Variants in RHOBTB1 observed in about 807,000 individuals in gnomAD.
RHOBTB1 encodes rho-related BTB domain-containing protein 1.
RHOBTB1 carries 40 observed loss-of-function variants against 71.6 expected under a neutral mutation model. That is an observed-to-expected ratio of 0.56 (90% CI 0.43 to 0.73). The LOEUF (loss-of-function observed/expected upper bound fraction) is 0.73. Ranked by LOEUF, RHOBTB1 falls within the 30% of genes least tolerant of loss-of-function variation. The probability of loss-of-function intolerance (pLI) is 0.00; values close to 1 mark genes in which losing one functional copy is unlikely to be tolerated. For synonymous variants in RHOBTB1, 319 were observed against 334.9 expected, an observed-to-expected ratio of 0.95 and a Z score of 0.52; for missense variants, 797 against 894.0, an observed-to-expected ratio of 0.89 and a Z score of 1.38.
At chr10:60,999,604 T>A (rs181332853) in intron 1 of RHOBTB1, among the ~76,000 whole-genome samples, 38 of 152,314 alleles carry the variant, frequency 2.5e-4, no homozygotes, top group African/African-American at 7.5e-4. Flanking sequence ...ATTGGAGGAA[T>A]CAATAATTAA....
At chr10:60,965,992 A>G (rs2085943962) in intron 2 of RHOBTB1, among the ~76,000 whole-genome samples, 1 of 152,176 alleles carries the variant, frequency 6.6e-6, no homozygotes, top group South Asian at 2.1e-4. Flanking sequence ...CAGACAATAA[A>G]TATATAATTT....
At chr10:60,997,064 TACACACAC>T (rs3049452) in intron 1 of RHOBTB1, among the ~76,000 whole-genome samples, 1,893 of 144,936 alleles carry the variant, frequency 0.013, 14 homozygotes, top group African/African-American at 0.027. Context: ...CATGGTTATG[TACACACAC>T]ACACACACAC....
chr10:60,939,869 C>T (rs1289095394), intron 2 of RHOBTB1, among the ~76,000 whole-genome samples: 1 of 152,146 alleles, frequency 6.6e-6, no homozygotes, highest in Non-Finnish European at 1.5e-5. Flanking sequence ...CAAATGATTG[C>T]TAAATGATTA....
chr10:60,931,611 A>G (rs1203983369), intron 2 of RHOBTB1, among the ~76,000 whole-genome samples: 3 of 152,196 alleles, frequency 2.0e-5, no homozygotes, highest in Non-Finnish European at 4.4e-5. Flanking sequence ...TATATTAAGT[A>G]TAACCCTTGA....
intron 4 of RHOBTB1, among the ~76,000 whole-genome samples, chr10:60,901,528 T>C (rs750522637): frequency 2.6e-5 from 4 of 152,194 alleles, no homozygotes; most frequent in Non-Finnish European, 5.9e-5. Flanking sequence ...TGATATGGAA[T>C]AGCTGAAAGA....
At chr10:60,918,595 TTAAGA>T (rs1275749156) in intron 2 of RHOBTB1, among the ~76,000 whole-genome samples, 1 of 152,088 alleles carries the variant, frequency 6.6e-6, no homozygotes, top group African/African-American at 2.4e-5. Flanking sequence ...AATTCAGAAA[TTAAGA>T]TGAGTGGGTA....
chr10:60,932,681 T>C (rs987054695), intron 2 of RHOBTB1, among the ~76,000 whole-genome samples: 2 of 152,108 alleles, frequency 1.3e-5, no homozygotes, highest in South Asian at 2.1e-4. Context: ...AAGATGTTCA[T>C]GATACATCTT....
chr10:60,868,794 C>A (rs550595948), downstream of RHOBTB1, among the ~76,000 whole-genome samples: 3 of 152,184 alleles, frequency 2.0e-5, no homozygotes, highest in Non-Finnish European at 4.4e-5. Context: ...AACCGGTATA[C>A]TTTATGTAAA....
intron 2 of RHOBTB1, among the ~76,000 whole-genome samples, chr10:60,933,612 C>T (rs1016464167): frequency 5.3e-5 from 8 of 151,260 alleles, no homozygotes; most frequent in East Asian, 1.9e-4. Flanking sequence ...CCAAGCTAGT[C>T]GGGAGGCTGA....
intron 1 of RHOBTB1, among the ~76,000 whole-genome samples, chr10:60,992,220 T>G (rs2086894169): frequency 1.3e-5 from 2 of 152,202 alleles, no homozygotes. Flanking sequence ...AAGATTTACC[T>G]TCTCATTCAC....
chr10:60,985,985 T>C (rs1447858973), intron 1 of RHOBTB1: 1 of 152,174 alleles, frequency 6.6e-6, no homozygotes, highest in Non-Finnish European at 1.5e-5. Context: ...TGTTTCACTA[T>C]CAAGAAGAAA....
At chr10:60,962,806 C>T (rs1362499359) in intron 2 of RHOBTB1, among the ~76,000 whole-genome samples, 3 of 152,100 alleles carry the variant, frequency 2.0e-5, no homozygotes, top group Non-Finnish European at 4.4e-5. Flanking sequence ...TGTCTTCTTT[C>T]TGAGTCAGTC....
At chr10:60,999,285 T>C (rs1333453686) in intron 1 of RHOBTB1, among the ~76,000 whole-genome samples, 1 of 151,948 alleles carries the variant, frequency 6.6e-6, no homozygotes, top group Non-Finnish European at 1.5e-5. Context: ...TGGACAAGTG[T>C]CAAAAAAAAG....
intron 2 of RHOBTB1, among the ~76,000 whole-genome samples, chr10:60,912,075 C>A (rs1262823158): frequency 6.6e-6 from 1 of 152,042 alleles, no homozygotes; most frequent in African/African-American, 2.4e-5. Context: ...AGAGAATAAT[C>A]AAAAGTGCAG....
At chr10:60,986,437 T>TAC in intron 1 of RHOBTB1, among the ~76,000 whole-genome samples, 1 of 120,550 alleles carries the variant, frequency 8.3e-6, no homozygotes, top group Non-Finnish European at 1.8e-5. Flanking sequence ...ATATAAAATA[T>TAC]ATATAGGCCA....
chr10:60,872,089 G>T, intron 10 of RHOBTB1, 96 bp downstream of exon 10: 2 of 903,130 alleles, frequency 2.2e-6, no homozygotes, highest in Non-Finnish European at 3.7e-6. Flanking sequence ...TCCATGAGCT[G>T]CCTGCTGACC....
At chr10:60,873,871 C>G (rs2080918360) in intron 9 of RHOBTB1, among the ~76,000 whole-genome samples, 1 of 152,280 alleles carries the variant, frequency 6.6e-6, no homozygotes, top group Non-Finnish European at 1.5e-5. Context: ...TATATGTACA[C>G]GGCCTTTGCC....
At chr10:60,903,780 T>C (rs199623717) in intron 4 of RHOBTB1, among the ~76,000 whole-genome samples, 2 of 152,122 alleles carry the variant, frequency 1.3e-5, no homozygotes, top group East Asian at 3.9e-4. Flanking sequence ...CAGTGTCCCA[T>C]CGTTAGTTTC....
intron 2 of RHOBTB1, among the ~76,000 whole-genome samples, chr10:60,913,624 T>TG (rs1421536942): frequency 6.6e-6 from 1 of 152,164 alleles, no homozygotes; most frequent in Non-Finnish European, 1.5e-5. Context: ...GGTTGTCACT[T>TG]GGTGGGGGGT....
Sources: gnomAD v4.1 joint callset for allele counts (sites outside exome capture counted in the v4.1 genomes callset) on GRCh38, gnomAD v4.1.1 for gene constraint, MANE v1.5 for transcripts, NCBI Gene and HGNC (gene_info 2026-07-23, HGNC 2026-07-21) for gene names.